Variants in PNKD observed in about 807,000 individuals in gnomAD.
PNKD encodes probable thioesterase PNKD.
Under a neutral mutation model 45.3 loss-of-function variants are expected in PNKD, and 36 were observed. The ratio of observed to expected loss-of-function variants is 0.80; its 90% CI spans 0.61 to 1.05. The LOEUF (loss-of-function observed/expected upper bound fraction) is 1.05, where lower values mean the gene tolerates loss of function less well. Ranked by LOEUF, PNKD falls within the 50% of genes least tolerant of loss-of-function variation. The probability of loss-of-function intolerance (pLI) is 0.00; values close to 1 mark genes in which losing one functional copy is unlikely to be tolerated. For missense variants in PNKD, 511 were observed against 506.6 expected (o/e 1.01, Z -0.08); for synonymous variants, 197 against 210.1 (o/e 0.94, Z 0.54).
rs936880096 is a variant in PNKD, at chr2:218,344,637, T to G, written c.984+67T>G. ...CTCAGCCCCAACGGGAACCCATCCA[T>G]GCTGACCCCAGGCCTGCGAGCACCT... On this transcript the variant is annotated intron_variant, in intron 9 of 9. Transcript: ENST00000273077. 2.7e-6 allele frequency: 4 copies of G among 1,458,826 alleles called. No individual in the cohort carries two copies. The African/African-American group carries it at 4.2e-5, about 15-fold the overall frequency. The allele number at this position is 1,458,826 out of a possible 1,614,324, so 90.4% of individuals were successfully genotyped here.
chr2:218,291,040 C>A (rs972806245), intron 2 of PNKD, among the ~76,000 whole-genome samples: 4 of 152,192 alleles, frequency 2.6e-5, no homozygotes, highest in Non-Finnish European at 5.9e-5. Flanking sequence ...GTGAGGCCTG[C>A]GGTTGGAGGT....
chr2:218,276,427 G>C (rs1200463405), intron 2 of PNKD, among the ~76,000 whole-genome samples: 1 of 152,166 alleles, frequency 6.6e-6, no homozygotes, highest in Non-Finnish European at 1.5e-5. Context: ...CCTGGGAGGG[G>C]TAGACTAAGG....
chr2:218,277,813 G>A lies in PNKD; in HGVS notation c.236+6264G>A, dbSNP rs936188472. On this transcript the variant is annotated intron_variant, in intron 2 of 9. Coordinates refer to ENST00000273077, the MANE Select transcript of PNKD (RefSeq NM_015488.5). ...GCAGCCACAGAGGAGATCAGAACAG[G>A]CGGCCCAGATAAGGTGGAGGAGACA... 15 of 1,546,084 alleles carry A rather than the reference G, an allele frequency of 9.7e-6. No homozygotes were observed. In the African/African-American group the frequency reaches 1.8e-4, roughly 18 times the overall value.
chr2:218,279,440 C>T lies in PNKD; in HGVS notation c.236+7891C>T, dbSNP rs1162356733. On this transcript the variant is annotated intron_variant, in intron 2 of 9. Coordinates refer to ENST00000273077, the MANE Select transcript of PNKD (RefSeq NM_015488.5). The stretch of plus-strand genomic sequence containing the variant: ...GCCAGCCCCCAGTACTTTCCTCCCA[C>T]TCAAGAACCCTCCCTAGCTGCAGCC... The T allele has an allele frequency of 5.7e-6, 7 of 1,225,880 alleles. No homozygotes were observed. In the East Asian group the frequency reaches 1.5e-4, roughly 27 times the overall value. 75.9% of individuals were successfully genotyped at this position (1,225,880 alleles called of 1,614,324 possible).
At chr2:218,272,514 C>G in intron 2 of PNKD, 1 of 1,570,236 alleles carries the variant, frequency 6.4e-7, no homozygotes, top group Non-Finnish European at 8.8e-7. Flanking sequence ...CCCCCCAGCT[C>G]CTCTGGCTCA....
chr2:218,331,552 C>T (rs1237920855), intron 2 of PNKD, among the ~76,000 whole-genome samples: 1 of 152,102 alleles, frequency 6.6e-6, no homozygotes, highest in Non-Finnish European at 1.5e-5. Context: ...CTCACTGCAA[C>T]CTCTGCCTGC....
At chr2:218,271,102 G>A (rs1022910067) in intron 1 of PNKD, 1 of 548,770 alleles carries the variant, frequency 1.8e-6, no homozygotes, top group African/African-American at 1.9e-5. Context: ...TCCCACTGCA[G>A]TCCTTCCCAT....
intron 2 of PNKD, chr2:218,278,476 C>G (rs1691494299): frequency 6.2e-7 from 1 of 1,604,886 alleles, no homozygotes; most frequent in African/African-American, 1.3e-5. Flanking sequence ...ATCCCAATCC[C>G]TGTCACCCCT....
Position 218,340,298 on chromosome 2 carries a change from A to AG in PNKD, c.465+163dup, listed in dbSNP as rs1435499434. ...CACATGCGCACACATAGCCTGGGGA[A>AG]GGGGGGTACAGGGCATGGCTGGGCA... On this transcript the variant is annotated intron_variant, in intron 4 of 9. Coordinates refer to ENST00000273077, the MANE Select transcript of PNKD (RefSeq NM_015488.5). The surrounding 1 kb of genome is among the most constrained non-coding windows in gnomAD (Gnocchi z 4.2). Among the ~76,000 whole-genome samples the AG allele has an allele frequency of 4.6e-5, 7 of 152,108 alleles. No homozygotes were observed. The East Asian group carries it at 1.4e-3, about 29-fold the overall frequency.
Position 218,272,960 on chromosome 2 carries a change from TTG to T in PNKD, c.236+1414_236+1415del, listed in dbSNP as rs1454189362. The T allele has an allele frequency of 8.3e-5, 119 of 1,436,818 alleles. 1 individual carries two copies. Among genetic ancestry groups the T allele is most frequent in the Non-Finnish European group, 1.0e-4 (112 of 1,091,432 alleles). 89.0% of individuals were successfully genotyped at this position (1,436,818 alleles called of 1,614,324 possible). On this transcript the variant is annotated intron_variant, in intron 2 of 9. Transcript: ENST00000273077. ...TAGTAGAAAGGAACCAGGTCTGGGT[TTG>T]TGAGTCCCTTGGGATGGGAGGGGCA...
chr2:218,304,274 G>A (rs1482051197), intron 2 of PNKD, among the ~76,000 whole-genome samples: 1 of 152,150 alleles, frequency 6.6e-6, no homozygotes, highest in African/African-American at 2.4e-5. Flanking sequence ...AGCCTCCCAA[G>A]TAGCTGGGAT....
intron 2 of PNKD, among the ~76,000 whole-genome samples, chr2:218,289,268 TG>T (rs1692763666): frequency 1.3e-5 from 2 of 152,074 alleles, no homozygotes; most frequent in Admixed American, 1.3e-4. Flanking sequence ...CTGAAGTTCT[TG>T]TCCTGGCTTT....
intron 8 of PNKD, among the ~76,000 whole-genome samples, chr2:218,344,137 G>C (rs1694760525): frequency 6.6e-6 from 1 of 152,240 alleles, no homozygotes; most frequent in Non-Finnish European, 1.5e-5. Flanking sequence ...TGCCAAATGA[G>C]AAAATTGTGC....
chr2:218,325,048 C>G (rs1427464546), intron 2 of PNKD, among the ~76,000 whole-genome samples: 1 of 118,048 alleles, frequency 8.5e-6, no homozygotes, highest in Non-Finnish European at 1.6e-5. Context: ...CGCTCTGTCA[C>G]CCAGGCTGGA....
chr2:218,270,610 G>C lies in PNKD; in HGVS notation c.67+8G>C, dbSNP rs1467431669. 9 of 936,982 alleles carry C rather than the reference G, an allele frequency of 9.6e-6. No individual in the cohort carries two copies. The highest frequency in any genetic ancestry group is 1.3e-5 in the Non-Finnish European group (9 of 692,032). 58.0% of individuals were successfully genotyped at this position (936,982 alleles called of 1,614,324 possible). On this transcript the variant is annotated splice_region_variant and intron_variant, in intron 1 of 9. Transcript: ENST00000273077. ...ATGCCCGCGTCCTCCGGGGTAAGGA[G>C]AGGGACCCCGGGGAGGGCAGGACTG... is the stretch of plus-strand genomic sequence containing the variant.
intron 2 of PNKD, among the ~76,000 whole-genome samples, chr2:218,321,228 T>C (rs1693977054): frequency 6.6e-6 from 1 of 152,172 alleles, no homozygotes; most frequent in South Asian, 2.1e-4. Flanking sequence ...CTGCAGAAAG[T>C]TGTGTGCACA....
At chr2:218,339,743 G>A in intron 2 of PNKD, 40 bp from the exon 3 acceptor site, 1 of 1,259,742 alleles carries the variant, frequency 7.9e-7, no homozygotes, top group Non-Finnish European at 1.2e-6. Context: ...GGGGAGCTAG[G>A]GAGAAAAGGC....
rs187252822 is a variant in PNKD, at chr2:218,303,839, G to A, written c.236+32290G>A. Among the ~76,000 whole-genome samples the A allele has an allele frequency of 8.6e-4, 130 of 151,992 alleles. No individual in the cohort carries two copies. In the Middle Eastern group the frequency reaches 0.024, roughly 28 times the overall value. On this transcript the variant is annotated intron_variant, in intron 2 of 9. Coordinates refer to ENST00000273077, the MANE Select transcript of PNKD (RefSeq NM_015488.5). ...TCCACCTGCCTCAGCCTCCCAAAGT[G>A]CTGGGATTACAGGTGTGAGCCACCA...
intron 2 of PNKD, among the ~76,000 whole-genome samples, chr2:218,282,383 C>T (rs1692110581): frequency 6.6e-6 from 1 of 152,224 alleles, no homozygotes; most frequent in South Asian, 2.1e-4. Context: ...TTTGCGCCTG[C>T]TTCTTGTCCA....
Sources: gnomAD v4.1 joint callset for allele counts (sites outside exome capture counted in the v4.1 genomes callset) on GRCh38, gnomAD v4.1.1 for gene constraint, Gnocchi (gnomAD v3.1) non-coding constraint, MANE v1.5 for transcripts, NCBI Gene and HGNC (gene_info 2026-07-23, HGNC 2026-07-21) for gene names.